BLNK: variants seen among roughly 807,000 people sequenced by gnomAD.
BLNK encodes B-cell linker protein.
A neutral mutation model predicts 73.5 loss-of-function variants in BLNK; 29 were observed. The observed-to-expected ratio is 0.39, with a 90% confidence interval of 0.29 to 0.54. BLNK has a LOEUF of 0.54. Ranked by LOEUF, BLNK falls within the 20% of genes least tolerant of loss-of-function variation. The pLI, the probability that BLNK is intolerant of heterozygous loss-of-function variation, is 0.61. For missense variants in BLNK, 460 were observed against 562.8 expected (o/e 0.82, Z 1.85); for synonymous variants, 176 against 200.8 (o/e 0.88, Z 1.04).
At chr10:96,265,161 T>TA (rs1554913917) in intron 1 of BLNK, among the ~76,000 whole-genome samples, 1 of 151,240 alleles carries the variant, frequency 6.6e-6, no homozygotes, top group Non-Finnish European at 1.5e-5. Context: ...TTTATTTATT[T>TA]TTGTAGAGAT....
intron 1 of BLNK, among the ~76,000 whole-genome samples, chr10:96,255,035 A>G (rs782806457): frequency 6.6e-6 from 1 of 152,210 alleles, no homozygotes; most frequent in Non-Finnish European, 1.5e-5. Flanking sequence ...AGCCAAGGTT[A>G]AGAACCACTG....
chr10:96,204,887 G>A (rs2133966833), intron 11 of BLNK: 1 of 406,686 alleles, frequency 2.5e-6, no homozygotes, highest in African/African-American at 2.1e-5. Context: ...TGAACCCACG[G>A]GCCCTGAAAC....
In BLNK at chr10:96,191,804, C is replaced by A; in HGVS notation, c.*169G>T. 1 of 835,004 alleles carries A rather than the reference C, an allele frequency of 1.2e-6. No homozygotes were observed. The highest frequency in any genetic ancestry group is 1.9e-6 in the Non-Finnish European group (1 of 522,160). 51.7% of individuals were successfully genotyped at this position (835,004 alleles called of 1,614,324 possible). A position where few individuals can be genotyped will look rare whatever the true frequency, so the allele number is the denominator to read the frequency against. ...CAGGTCAGGCAATAGAACAAGTCCACATGAGCTTCTTAAAAAGAAATGGAT... is the reference window on the plus strand; with the variant it reads ...CAGGTCAGGCAATAGAACAAGTCCAAATGAGCTTCTTAAAAAGAAATGGAT... On this transcript the variant is annotated 3_prime_UTR_variant, in exon 17 of 17. Transcript: ENST00000224337.
intron 1 of BLNK, among the ~76,000 whole-genome samples, chr10:96,267,860 A>G (rs1554914629): frequency 6.6e-6 from 1 of 152,222 alleles, no homozygotes; most frequent in Non-Finnish European, 1.5e-5. Context: ...TAGAATAACA[A>G]CAGTAATGAT....
chr10:96,226,574 C>T (rs1208005546), intron 5 of BLNK, among the ~76,000 whole-genome samples: 1 of 152,188 alleles, frequency 6.6e-6, no homozygotes, highest in Non-Finnish European at 1.5e-5. Context: ...GGCGCAGTGG[C>T]TTATGCCTGT....
chr10:96,239,533 G>A (rs587633222), intron 3 of BLNK, among the ~76,000 whole-genome samples: 1 of 152,282 alleles, frequency 6.6e-6, no homozygotes, highest in African/African-American at 2.4e-5. Context: ...AAGTTGAGAG[G>A]ACCACATGCA....
At chr10:96,205,756 G>A (rs1564817766) in intron 11 of BLNK, among the ~76,000 whole-genome samples, 1 of 152,208 alleles carries the variant, frequency 6.6e-6, no homozygotes, top group Non-Finnish European at 1.5e-5. Context: ...TAACAAAGGA[G>A]GGGGCATGCC....
chr10:96,224,096 C>T (rs2084264975), intron 5 of BLNK, 107 bp from the exon 6 acceptor site: 2 of 1,303,080 alleles, frequency 1.5e-6, no homozygotes, highest in African/African-American at 1.5e-5. Flanking sequence ...GTCTATGTAG[C>T]CACAAATGAT....
At chr10:96,239,493 G>T (rs1218471402) in intron 3 of BLNK, among the ~76,000 whole-genome samples, 2 of 152,172 alleles carry the variant, frequency 1.3e-5, no homozygotes, top group African/African-American at 4.8e-5. Flanking sequence ...GATTTAAAGA[G>T]AATTTTATTT....
intron 4 of BLNK, among the ~76,000 whole-genome samples, chr10:96,229,236 C>T (rs1591332332): frequency 1.3e-5 from 2 of 149,020 alleles, no homozygotes; most frequent in South Asian, 4.5e-4. Flanking sequence ...CACCTGCTGC[C>T]CCCTCGACCA....
chr10:96,263,228 G>T (rs1440274874), intron 1 of BLNK, among the ~76,000 whole-genome samples: 1 of 152,230 alleles, frequency 6.6e-6, no homozygotes. Context: ...CCAGGCACAA[G>T]CTCCGAGCAC....
chr10:96,211,075 G>T (rs2083937007), intron 8 of BLNK, among the ~76,000 whole-genome samples: 1 of 151,866 alleles, frequency 6.6e-6, no homozygotes, highest in East Asian at 1.9e-4. Flanking sequence ...TGTTGCCCAG[G>T]CTGGCCTTGA....
chr10:96,198,186 T>A (rs1234476835), intron 15 of BLNK, among the ~76,000 whole-genome samples: 1 of 151,784 alleles, frequency 6.6e-6, no homozygotes, highest in Admixed American at 6.6e-5. Flanking sequence ...GAAATGACAC[T>A]TGAAGGAAGG....
Position 96,189,617 on chromosome 10 carries a change from C to A in BLNK, c.*2356G>T. 1.4e-6 allele frequency: 1 copy of A among 700,422 alleles called. No homozygotes were observed. The highest frequency in any genetic ancestry group is 2.7e-6 in the Non-Finnish European group (1 of 376,540). The allele number at this position is 700,422 out of a possible 1,614,324, so 43.4% of individuals were successfully genotyped here. A position where few individuals can be genotyped will look rare whatever the true frequency, so the allele number is the denominator to read the frequency against. On this transcript the variant is annotated 3_prime_UTR_variant, in exon 17 of 17. Transcript: ENST00000224337. ...ATGATGGGTTTGAGTGTTTTCTATT[C>A]TGATTTGACTTTTGTGCATTTTTGG... is the stretch of plus-strand genomic sequence containing the variant.
Position 96,220,450 on chromosome 10 carries a change from T to C in BLNK, c.525+3376A>G, listed in dbSNP as rs149694962. Among the ~76,000 whole-genome samples, 21 of 152,346 alleles carry C rather than the reference T, an allele frequency of 1.4e-4. No individual in the cohort carries two copies. The East Asian group carries it at 3.5e-3, about 25-fold the overall frequency. ...TCTGTTTGTAGTGTCTGCCCAACTT[T>C]CTCATCTTTATAGGGTTTTAGGAGA... is the stretch of plus-strand genomic sequence containing the variant. On this transcript the variant is annotated intron_variant, in intron 6 of 16. Transcript: ENST00000224337.
chr10:96,204,658 T>A, intron 11 of BLNK, 42 bp from the exon 12 acceptor site: 1 of 1,594,408 alleles, frequency 6.3e-7, no homozygotes, highest in Non-Finnish European at 8.6e-7. Flanking sequence ...GAGTGAAATG[T>A]CTGTCCTCAT....
intron 1 of BLNK, among the ~76,000 whole-genome samples, chr10:96,266,256 A>G (rs1034542321): frequency 2.6e-5 from 4 of 152,194 alleles, no homozygotes; most frequent in Non-Finnish European, 4.4e-5. Context: ...GTTCTTTTCA[A>G]TCCAGTAATC....
At chr10:96,217,142 C>T (rs891907462) in intron 6 of BLNK, among the ~76,000 whole-genome samples, 5 of 152,156 alleles carry the variant, frequency 3.3e-5, no homozygotes, top group Admixed American at 3.3e-4. Flanking sequence ...TAGTATGTAT[C>T]ACAACTCCCG....
chr10:96,243,762 A>G (rs1842949540), intron 2 of BLNK, among the ~76,000 whole-genome samples: 1 of 152,214 alleles, frequency 6.6e-6, no homozygotes, highest in Non-Finnish European at 1.5e-5. Context: ...TTAGAAAACT[A>G]TTCCAAGTTT....
Sources: allele counts gnomAD v4.1 joint callset (sites outside exome capture counted in the v4.1 genomes callset), GRCh38; gene constraint gnomAD v4.1.1; transcripts MANE v1.5; gene names NCBI Gene and HGNC (gene_info 2026-07-23, HGNC 2026-07-21).